Variants in IMMP2L observed in about 807,000 individuals in gnomAD.
The protein encoded by IMMP2L is mitochondrial inner membrane protease subunit 2.
In IMMP2L, 18 loss-of-function variants were observed where a neutral mutation model predicts 19.3. The ratio of observed to expected loss-of-function variants is 0.93; its 90% CI spans 0.64 to 1.38. The LOEUF is 1.38. IMMP2L is among the 40% of genes most tolerant of loss of function. The pLI, the probability that IMMP2L is intolerant of heterozygous loss-of-function variation, is 0.00. For missense variants in IMMP2L, 233 were observed against 218.2 expected (o/e 1.07, Z -0.43); for synonymous variants, 76 against 73.0 (o/e 1.04, Z -0.21).
chr7:111,425,964 T>C (rs2131639527), intron 3 of IMMP2L, among the ~76,000 whole-genome samples: 1 of 151,268 alleles, frequency 6.6e-6, no homozygotes, highest in South Asian at 2.1e-4. Flanking sequence ...CTCTTCTAAA[T>C]GCTACAGAAA....
intron 3 of IMMP2L, among the ~76,000 whole-genome samples, chr7:111,110,083 T>C (rs1456280271): frequency 6.6e-6 from 1 of 152,134 alleles, no homozygotes; most frequent in African/African-American, 2.4e-5. Flanking sequence ...TGCAGTAAGC[T>C]GAGATCACGC....
intron 5 of IMMP2L, among the ~76,000 whole-genome samples, chr7:110,838,092 A>G (rs551371438): frequency 1.3e-5 from 2 of 152,258 alleles, no homozygotes; most frequent in South Asian, 2.1e-4. Context: ...AGGTAGAAAT[A>G]GTAGTTAGAA....
intron 1 of IMMP2L, chr7:111,532,463 T>C (rs1021932720): frequency 6.6e-6 from 1 of 152,158 alleles, no homozygotes; most frequent in African/African-American, 2.4e-5. Context: ...TTGCTATCTA[T>C]ACTAGAATGC....
intron 1 of IMMP2L, among the ~76,000 whole-genome samples, chr7:111,536,135 A>T (rs1414698226): frequency 6.6e-6 from 1 of 152,158 alleles, no homozygotes; most frequent in East Asian, 1.9e-4. Flanking sequence ...TACTGGAAAA[A>T]CAGCTTTGAA....
intron 3 of IMMP2L, among the ~76,000 whole-genome samples, chr7:111,379,298 T>A (rs1830979249): frequency 6.6e-6 from 1 of 151,122 alleles, no homozygotes; most frequent in South Asian, 2.1e-4. Context: ...AAACTTAAAC[T>A]GATATGTAAA....
chr7:111,113,773 C>A (rs754595087), intron 3 of IMMP2L, among the ~76,000 whole-genome samples: 40 of 152,098 alleles, frequency 2.6e-4, no homozygotes, highest in Non-Finnish European at 4.3e-4. Context: ...TCCTGTCATT[C>A]AAGCAGGGGA....
At chr7:110,983,525 G>A (rs995466769) in intron 3 of IMMP2L, among the ~76,000 whole-genome samples, 7 of 151,920 alleles carry the variant, frequency 4.6e-5, no homozygotes, top group Admixed American at 2.0e-4. Context: ...CCATCACCAG[G>A]AGTCACATAA....
At chr7:111,425,777 A>G (rs1312478634) in intron 3 of IMMP2L, among the ~76,000 whole-genome samples, 2 of 151,236 alleles carry the variant, frequency 1.3e-5, no homozygotes, top group African/African-American at 4.9e-5. Flanking sequence ...TTGAACCATA[A>G]TCTTAGTTAC....
At chr7:111,151,266 A>T (rs563055988) in intron 3 of IMMP2L, among the ~76,000 whole-genome samples, 1 of 152,192 alleles carries the variant, frequency 6.6e-6, no homozygotes, top group South Asian at 2.1e-4. Flanking sequence ...TTTATTTTTC[A>T]TTCTTTTTCC....
chr7:110,793,821 A>G (rs908457401), intron 5 of IMMP2L, among the ~76,000 whole-genome samples: 11 of 152,134 alleles, frequency 7.2e-5, no homozygotes, highest in Admixed American at 5.9e-4. Context: ...TATGCATATC[A>G]AAACATCACG....
At chr7:111,250,269 G>A (rs1399486450) in intron 3 of IMMP2L, among the ~76,000 whole-genome samples, 1 of 151,990 alleles carries the variant, frequency 6.6e-6, no homozygotes. Context: ...ACAAATAAAT[G>A]GAAAAACATT....
At chr7:111,160,925 GA>G (rs1464429056) in intron 3 of IMMP2L, among the ~76,000 whole-genome samples, 57 of 151,354 alleles carry the variant, frequency 3.8e-4, no homozygotes, top group Middle Eastern at 3.5e-3. Flanking sequence ...CATAATCAGA[GA>G]TTTAACAGAA....
intron 3 of IMMP2L, among the ~76,000 whole-genome samples, chr7:111,434,527 T>C (rs780375645): frequency 2.9e-4 from 44 of 151,356 alleles, no homozygotes; most frequent in Middle Eastern, 3.4e-3. Context: ...TGTTTTTTTG[T>C]CTTGTTTGTT....
intron 4 of IMMP2L, among the ~76,000 whole-genome samples, chr7:110,950,858 A>ATATATATG (rs1554470738): frequency 0.07 from 9,486 of 136,230 alleles, 579 homozygotes; most frequent in African/African-American, 0.14. Flanking sequence ...ATATATATAT[A>ATATATATG]TATATATATA....
intron 3 of IMMP2L, among the ~76,000 whole-genome samples, chr7:111,184,224 A>G (rs566084440): frequency 1.2e-4 from 19 of 152,122 alleles, no homozygotes; most frequent in Non-Finnish European, 2.1e-4. Context: ...AGAATCAAAG[A>G]GAAATAGGGG....
At chr7:111,133,249 A>G (rs139087866) in intron 3 of IMMP2L, among the ~76,000 whole-genome samples, 2 of 152,150 alleles carry the variant, frequency 1.3e-5, no homozygotes, top group East Asian at 3.9e-4. Flanking sequence ...CCAACAAATG[A>G]ATCTGGCAAT....
intron 3 of IMMP2L, among the ~76,000 whole-genome samples, chr7:111,398,689 C>T (rs1833117021): frequency 6.6e-6 from 1 of 152,018 alleles, no homozygotes; most frequent in Non-Finnish European, 1.5e-5. Flanking sequence ...CAAACTGTCA[C>T]TGTTTGCTGA....
chr7:111,036,219 C>T (rs1486412426), intron 3 of IMMP2L, among the ~76,000 whole-genome samples: 1 of 152,036 alleles, frequency 6.6e-6, no homozygotes, highest in Non-Finnish European at 1.5e-5. Context: ...CCTTTAAGTG[C>T]AAGATTTACC....
intron 4 of IMMP2L, among the ~76,000 whole-genome samples, chr7:110,958,722 T>C (rs1818619316): frequency 6.6e-6 from 1 of 152,044 alleles, no homozygotes; most frequent in Non-Finnish European, 1.5e-5. Flanking sequence ...GATCAGCTGG[T>C]TGACCAGCTG....
Sources: allele counts gnomAD v4.1 joint callset (sites outside exome capture counted in the v4.1 genomes callset), GRCh38; gene constraint gnomAD v4.1.1; transcripts MANE v1.5; gene names NCBI Gene and HGNC (gene_info 2026-07-23, HGNC 2026-07-21).